Variants in PDE1A observed in about 807,000 individuals in gnomAD.
The protein encoded by PDE1A is dual specificity calcium/calmodulin-dependent 3',5'-cyclic nucleotide phosphodiesterase 1A.
In PDE1A, 35 loss-of-function variants were observed where a neutral mutation model predicts 61.7. The ratio of observed to expected loss-of-function variants is 0.57; its 90% CI spans 0.43 to 0.75. The LOEUF (loss-of-function observed/expected upper bound fraction) is 0.75, where lower values mean the gene tolerates loss of function less well. Ranked by LOEUF, PDE1A falls within the 30% of genes least tolerant of loss-of-function variation. PDE1A has a pLI of 0.00. For missense variants in PDE1A, 597 were observed against 630.6 expected (o/e 0.95, Z 0.57); for synonymous variants, 232 against 213.2 (o/e 1.09, Z -0.77).
intron 1 of PDE1A, among the ~76,000 whole-genome samples, chr2:182,323,225 T>G (rs1696814483): frequency 6.6e-6 from 1 of 152,196 alleles, no homozygotes; most frequent in Non-Finnish European, 1.5e-5. Context: ...ACATACCCGG[T>G]TTATCTCTTC....
At chr2:182,207,472 A>G (rs1687206729) in intron 7 of PDE1A, among the ~76,000 whole-genome samples, 1 of 152,236 alleles carries the variant, frequency 6.6e-6, no homozygotes, top group Non-Finnish European at 1.5e-5. Context: ...CAAAGTGTTC[A>G]AGATGTGGTT....
chr2:182,151,819 A>G lies in PDE1A; in HGVS notation c.1517-4667T>C, dbSNP rs1403047274. ...AAAATGATTTAATAGCTTATTTTGCACTCGTTATTTTTGACTTATCTAGCC... is the reference window on the plus strand; with the variant it reads ...AAAATGATTTAATAGCTTATTTTGCGCTCGTTATTTTTGACTTATCTAGCC... On this transcript the variant is annotated intron_variant, in intron 13 of 13. Transcript: ENST00000409365. Among the ~76,000 whole-genome samples the G allele has an allele frequency of 2.0e-5, 3 of 152,128 alleles. No individual in the cohort carries two copies. The East Asian group carries it at 5.8e-4, about 29-fold the overall frequency.
At chr2:182,638,637 T>C in the PDE1A span, among the ~76,000 whole-genome samples, 1 of 152,340 alleles carries the variant, frequency 6.6e-6, no homozygotes, top group Non-Finnish European at 1.5e-5. Context: ...AAAAGCCCAT[T>C]ATTTTCAGCG....
At chr2:182,557,750 A>T in the PDE1A span, among the ~76,000 whole-genome samples, 2 of 151,870 alleles carry the variant, frequency 1.3e-5, no homozygotes, top group African/African-American at 4.8e-5. Context: ...TAAATAAAAT[A>T]AAAAAGTCTC....
the PDE1A span, among the ~76,000 whole-genome samples, chr2:182,618,214 C>T: frequency 2.4e-4 from 37 of 152,074 alleles, no homozygotes; most frequent in Non-Finnish European, 3.4e-4. Flanking sequence ...CTGCAAATTT[C>T]ACACATCAGT....
exon 11 of PDE1A, chr2:182,189,050 T>G: frequency 1.2e-6 from 2 of 1,611,570 alleles, no homozygotes; most frequent in Non-Finnish European, 1.7e-6. Context: ...TAATTCAGCT[T>G]CTTTATCTCC....
chr2:182,581,116 T>C, the PDE1A span, among the ~76,000 whole-genome samples: 2 of 152,108 alleles, frequency 1.3e-5, no homozygotes, highest in African/African-American at 4.8e-5. Flanking sequence ...ATAAAACAAG[T>C]GATTTAAAGT....
chr2:182,592,600 C>T, the PDE1A span, among the ~76,000 whole-genome samples: 1 of 152,044 alleles, frequency 6.6e-6, no homozygotes, highest in Non-Finnish European at 1.5e-5. Context: ...CCATCCAGGA[C>T]TGGATATTCT....
the PDE1A span, among the ~76,000 whole-genome samples, chr2:182,622,500 T>G: frequency 6.6e-6 from 1 of 152,232 alleles, no homozygotes; most frequent in Non-Finnish European, 1.5e-5. Flanking sequence ...CAAGTAGTCT[T>G]TTGTAAGTGT....
intron 1 of PDE1A, among the ~76,000 whole-genome samples, chr2:182,378,735 A>G (rs185348555): frequency 5.9e-5 from 9 of 152,332 alleles, no homozygotes; most frequent in African/African-American, 1.2e-4. Flanking sequence ...GCTACCATAT[A>G]TGACTCATGT....
intron 1 of PDE1A, among the ~76,000 whole-genome samples, chr2:182,370,911 C>T (rs543276234): frequency 2.6e-5 from 4 of 151,982 alleles, no homozygotes; most frequent in African/African-American, 9.6e-5. Flanking sequence ...CCAGCAAAGA[C>T]CCAGAAAAAA....
chr2:182,362,081 G>A (rs568901419), intron 1 of PDE1A, among the ~76,000 whole-genome samples: 10 of 152,182 alleles, frequency 6.6e-5, no homozygotes, highest in African/African-American at 2.2e-4. Flanking sequence ...AGGTTGGTGA[G>A]GTGAGTTGAG....
the PDE1A span, among the ~76,000 whole-genome samples, chr2:182,713,357 CTACTT>C: frequency 4.6e-5 from 7 of 152,180 alleles, no homozygotes; most frequent in Non-Finnish European, 8.8e-5. Context: ...GAACAGTAGA[CTACTT>C]TAATTAATAA....
chr2:182,377,383 T>C (rs1314926665), intron 1 of PDE1A, among the ~76,000 whole-genome samples: 8 of 152,198 alleles, frequency 5.3e-5, no homozygotes, highest in Non-Finnish European at 4.4e-5. Flanking sequence ...ATGATTCAGA[T>C]TCCTGAGGCC....
chr2:182,356,764 AAG>A (rs1451617240), intron 1 of PDE1A, among the ~76,000 whole-genome samples: 1 of 152,188 alleles, frequency 6.6e-6, no homozygotes, highest in African/African-American at 2.4e-5. Context: ...CACAATAGCA[AAG>A]ACTTGGAACC....
At chr2:182,218,646 T>C (rs1285388742) in intron 7 of PDE1A, among the ~76,000 whole-genome samples, 2 of 152,092 alleles carry the variant, frequency 1.3e-5, no homozygotes, top group Non-Finnish European at 2.9e-5. Context: ...TCTCTATTCC[T>C]AGTTGGAGTT....
intron 1 of PDE1A, among the ~76,000 whole-genome samples, chr2:182,348,482 C>A (rs1698658302): frequency 6.6e-6 from 1 of 152,080 alleles, no homozygotes; most frequent in Non-Finnish European, 1.5e-5. Flanking sequence ...CATAAATTCC[C>A]TAGAAAAGAT....
intron 2 of PDE1A, among the ~76,000 whole-genome samples, chr2:182,517,671 A>G (rs1690294480): frequency 6.6e-6 from 1 of 152,224 alleles, no homozygotes; most frequent in African/African-American, 2.4e-5. Flanking sequence ...GAAGGTCAGG[A>G]AGAATTTCCT....
intron 13 of PDE1A, among the ~76,000 whole-genome samples, chr2:182,159,996 C>T (rs1691292646): frequency 6.6e-6 from 1 of 152,098 alleles, no homozygotes; most frequent in African/African-American, 2.4e-5. Context: ...AAGTTCTAAA[C>T]ACTTTATATA....
Sources: allele counts gnomAD v4.1 joint callset (sites outside exome capture counted in the v4.1 genomes callset), GRCh38; gene constraint gnomAD v4.1.1; transcripts MANE v1.5; gene names NCBI Gene and HGNC (gene_info 2026-07-23, HGNC 2026-07-21).